The following CFAP299 variants were observed in gnomAD, a reference collection of about 807,000 sequenced individuals.
The protein encoded by CFAP299 is cilia and flagella associated protein 299, also known as cilia- and flagella-associated protein 299.
In CFAP299, 21 loss-of-function variants were observed where a neutral mutation model predicts 27.0. The observed-to-expected ratio is 0.78, with a 90% CI of 0.55 to 1.12. The LOEUF is 1.12. Among genes scored for constraint, CFAP299 ranks in the 50% most tolerant of loss-of-function variants. CFAP299 has a pLI of 0.00. For missense variants in CFAP299, 310 were observed against 276.6 expected (o/e 1.12, Z -0.86); for synonymous variants, 104 against 98.1 (o/e 1.06, Z -0.36).
At chr4:80,479,134 C>T (rs1201090049) in intron 2 of CFAP299, among the ~76,000 whole-genome samples, 1 of 151,940 alleles carries the variant, frequency 6.6e-6, no homozygotes, top group African/African-American at 2.4e-5. Context: ...AACAATTTTA[C>T]ACTGCCAAGC....
chr4:80,685,785 C>G (rs528958086), intron 3 of CFAP299, among the ~76,000 whole-genome samples: 1 of 151,934 alleles, frequency 6.6e-6, no homozygotes, highest in Non-Finnish European at 1.5e-5. Flanking sequence ...ATTTTTTTTC[C>G]TGTTCCTTCT....
In CFAP299 at chr4:80,656,602, C is replaced by T. The variant is rs550938124; in HGVS notation, c.333+73419C>T. 1.3e-3 allele frequency among the ~76,000 whole-genome samples: 193 copies of T among 152,278 alleles called. 4 individuals carry two copies. In the South Asian group the frequency reaches 0.027, roughly 21 times the overall value. ...AGTATTCCATGGTGTATATGTACCA[C>T]GTTTTCTTTATCCGGTCTATCACTG... On this transcript the variant is annotated intron_variant, in intron 3 of 5. Coordinates refer to ENST00000358105, the MANE Select transcript of CFAP299 (RefSeq NM_152770.3).
chr4:80,350,274 G>A (rs1486098346), intron 1 of CFAP299, among the ~76,000 whole-genome samples: 1 of 151,888 alleles, frequency 6.6e-6, no homozygotes, highest in Admixed American at 6.6e-5. Flanking sequence ...TGAATTCCAA[G>A]CAGAATAAAT....
intron 2 of CFAP299, among the ~76,000 whole-genome samples, chr4:80,413,137 A>G (rs958184815): frequency 3.0e-5 from 3 of 100,114 alleles, no homozygotes; most frequent in Non-Finnish European, 6.9e-5. Context: ...GATAACATGA[A>G]AAGTATGGGT....
At chr4:80,869,918 C>A in intron 3 of CFAP299, 75 bp from the exon 4 acceptor site, 1 of 1,372,152 alleles carries the variant, frequency 7.3e-7, no homozygotes, top group South Asian at 1.5e-5. Flanking sequence ...TGTTTTACAT[C>A]ATTCTATCCT....
chr4:80,346,544 G>T (rs185993412), intron 1 of CFAP299, among the ~76,000 whole-genome samples: 17 of 152,210 alleles, frequency 1.1e-4, no homozygotes, highest in African/African-American at 2.9e-4. Flanking sequence ...CCTTTCCCCA[G>T]TGCTTGTTTT....
At chr4:80,441,340 G>A (rs1728346993) in intron 2 of CFAP299, among the ~76,000 whole-genome samples, 1 of 152,204 alleles carries the variant, frequency 6.6e-6, no homozygotes, top group African/African-American at 2.4e-5. Context: ...AAGTCCATTG[G>A]AGTAACAGCG....
intron 3 of CFAP299, among the ~76,000 whole-genome samples, chr4:80,752,262 T>G (rs1295581803): frequency 2.0e-5 from 3 of 151,948 alleles, no homozygotes; most frequent in Non-Finnish European, 4.4e-5. Context: ...ACCTAGGTAT[T>G]TCAGTTGAAG....
intron 2 of CFAP299, among the ~76,000 whole-genome samples, chr4:80,490,424 C>T (rs1043144214): frequency 8.5e-5 from 13 of 152,106 alleles, no homozygotes; most frequent in African/African-American, 2.4e-4. Context: ...CACAAATTAC[C>T]GCACACTTTT....
intron 3 of CFAP299, among the ~76,000 whole-genome samples, chr4:80,586,874 G>A (rs1736473517): frequency 3.3e-5 from 5 of 152,130 alleles, no homozygotes; most frequent in Admixed American, 3.3e-4. Flanking sequence ...CAGTCACATG[G>A]ATGACTAGTT....
intron 3 of CFAP299, among the ~76,000 whole-genome samples, chr4:80,862,457 T>A (rs1201086012): frequency 6.6e-6 from 1 of 152,106 alleles, no homozygotes; most frequent in African/African-American, 2.4e-5. Context: ...AAAACAATGA[T>A]TCCCCCTGAG....
At chr4:80,711,391 G>A (rs988177414) in intron 3 of CFAP299, among the ~76,000 whole-genome samples, 1 of 152,198 alleles carries the variant, frequency 6.6e-6, no homozygotes, top group African/African-American at 2.4e-5. Flanking sequence ...GTAAGCTGCT[G>A]ATGAGAGCTG....
chr4:80,510,565 C>T (rs535331253), intron 2 of CFAP299, among the ~76,000 whole-genome samples: 5 of 152,288 alleles, frequency 3.3e-5, no homozygotes, highest in African/African-American at 1.2e-4. Context: ...ACACTGACTG[C>T]TTTTCCACCT....
rs1553901163 is a variant in CFAP299, at chr4:80,862,380, G to GAAAA, written c.334-7613_334-7612insAAAA. ...GCCAGACTCCATCTCGAAAAATATA[G>GAAAA]TAAATAAATAAATAAATAAATAAAG... On this transcript the variant is annotated intron_variant, in intron 3 of 5. Coordinates refer to ENST00000358105, the MANE Select transcript of CFAP299 (RefSeq NM_152770.3). Among the ~76,000 whole-genome samples the GAAAA allele has an allele frequency of 6.5e-4, 99 of 151,582 alleles. 2 individuals are homozygous for GAAAA. The highest frequency in any genetic ancestry group is 1.0e-3 in the Non-Finnish European group (70 of 67,858).
At chr4:80,643,679 C>T (rs1739840741) in intron 3 of CFAP299, among the ~76,000 whole-genome samples, 2 of 151,886 alleles carry the variant, frequency 1.3e-5, no homozygotes, top group Non-Finnish European at 2.9e-5. Context: ...ATTTATGGGC[C>T]CAGATGCAGG....
intron 4 of CFAP299, among the ~76,000 whole-genome samples, chr4:80,934,773 C>G (rs1736804107): frequency 6.6e-6 from 1 of 151,868 alleles, no homozygotes; most frequent in Admixed American, 6.6e-5. Context: ...TGGGCATTCT[C>G]TCTTTTTTAA....
At chr4:80,800,425 T>C (rs1489112194) in intron 3 of CFAP299, among the ~76,000 whole-genome samples, 2 of 62,440 alleles carry the variant, frequency 3.2e-5, no homozygotes, top group Admixed American at 3.2e-4. Context: ...TAATATAATA[T>C]ATATAATATA....
At chr4:80,354,063 C>T (rs1189722264) in intron 1 of CFAP299, among the ~76,000 whole-genome samples, 2 of 152,138 alleles carry the variant, frequency 1.3e-5, no homozygotes, top group East Asian at 1.9e-4. Context: ...ATTTATTACA[C>T]ACACAAAGTT....
At chr4:80,567,634 TG>T (rs1287980344) in intron 2 of CFAP299, among the ~76,000 whole-genome samples, 2 of 151,968 alleles carry the variant, frequency 1.3e-5, no homozygotes, top group African/African-American at 2.4e-5. Context: ...GCGGATTGTC[TG>T]TTGAATTGAT....
Sources: allele counts gnomAD v4.1 joint callset (sites outside exome capture counted in the v4.1 genomes callset), GRCh38; gene constraint gnomAD v4.1.1; transcripts MANE v1.5; gene names NCBI Gene and HGNC (gene_info 2026-07-23, HGNC 2026-07-21).